DNM3: variants seen among roughly 807,000 people sequenced by gnomAD.
DNM3 encodes dynamin 3, also known as dynamin-3.
DNM3 carries 47 observed loss-of-function variants against 101.6 expected under a neutral mutation model. The ratio of observed to expected loss-of-function variants is 0.46; its 90% CI spans 0.37 to 0.59. The LOEUF (loss-of-function observed/expected upper bound fraction) is 0.59. Ranked by LOEUF, DNM3 falls within the 20% of genes least tolerant of loss-of-function variation. The pLI, the probability that DNM3 is intolerant of heterozygous loss-of-function variation, is 0.00. For synonymous variants in DNM3, 385 were observed against 387.9 expected (o/e 0.99, Z 0.09); for missense variants, 849 against 1,085.7 (o/e 0.78, Z 3.06).
intron 15 of DNM3, among the ~76,000 whole-genome samples, chr1:172,273,223 A>G (rs1383699090): frequency 1.3e-5 from 2 of 152,196 alleles, no homozygotes; most frequent in African/African-American, 4.8e-5. Context: ...TCAGAGCACT[A>G]ACTCTGACAT....
intron 2 of DNM3, among the ~76,000 whole-genome samples, chr1:171,954,844 A>G (rs1461475646): frequency 6.6e-6 from 1 of 152,206 alleles, no homozygotes; most frequent in African/African-American, 2.4e-5. Flanking sequence ...GTGTTATGCA[A>G]TTTTTCCTGA....
At chr1:172,241,802 A>C (rs1407247756) in intron 14 of DNM3, among the ~76,000 whole-genome samples, 1 of 151,892 alleles carries the variant, frequency 6.6e-6, no homozygotes, top group Non-Finnish European at 1.5e-5. Flanking sequence ...CTCTCATTTG[A>C]CTCATTTTTT....
intron 14 of DNM3, among the ~76,000 whole-genome samples, chr1:172,174,398 A>T (rs2059078993): frequency 6.6e-6 from 1 of 151,622 alleles, no homozygotes; most frequent in Non-Finnish European, 1.5e-5. Flanking sequence ...CTCTGTTTTG[A>T]AATAAATTTG....
At chr1:172,159,015 G>A (rs1302218598) in intron 14 of DNM3, among the ~76,000 whole-genome samples, 1 of 151,970 alleles carries the variant, frequency 6.6e-6, no homozygotes, top group Non-Finnish European at 1.5e-5. Flanking sequence ...TTGCTGCTAT[G>A]TATGTATGAT....
intron 14 of DNM3, among the ~76,000 whole-genome samples, chr1:172,225,738 A>G (rs2061092532): frequency 6.6e-6 from 1 of 152,044 alleles, no homozygotes; most frequent in Admixed American, 6.6e-5. Context: ...GGTGACAGAG[A>G]AAGACCCTGT....
At chr1:172,378,317 TTC>T (rs2068718320) in intron 17 of DNM3, 1 of 152,086 alleles carries the variant, frequency 6.6e-6, no homozygotes, top group Non-Finnish European at 1.5e-5. Flanking sequence ...ACAGATGCTT[TTC>T]TCATGTTGCA....
intron 1 of DNM3, among the ~76,000 whole-genome samples, chr1:171,865,693 A>G (rs542044646): frequency 1.3e-5 from 2 of 152,314 alleles, no homozygotes; most frequent in East Asian, 1.9e-4. Flanking sequence ...GATCACTTAG[A>G]CAGTTTTGTT....
chr1:172,150,578 T>C (rs1027874323), intron 14 of DNM3, among the ~76,000 whole-genome samples: 1 of 152,184 alleles, frequency 6.6e-6, no homozygotes, highest in African/African-American at 2.4e-5. Flanking sequence ...TGTGATATAA[T>C]TTAATCCAGC....
At chr1:172,043,913 A>G (rs1055420089) in intron 8 of DNM3, among the ~76,000 whole-genome samples, 1 of 152,124 alleles carries the variant, frequency 6.6e-6, no homozygotes, top group African/African-American at 2.4e-5. Context: ...TTTTTAAAAT[A>G]TTACTAATTT....
At chr1:172,255,798 A>G (rs1300198365) in intron 15 of DNM3, among the ~76,000 whole-genome samples, 1 of 152,120 alleles carries the variant, frequency 6.6e-6, no homozygotes, top group African/African-American at 2.4e-5. Context: ...TCCTTGTCTT[A>G]TTTCTCATTT....
chr1:172,362,477 G>T (rs1297061703), intron 17 of DNM3, among the ~76,000 whole-genome samples: 1 of 90,004 alleles, frequency 1.1e-5, no homozygotes, highest in African/African-American at 2.8e-5. Flanking sequence ...CTGGAATATG[G>T]CATGAAAGGT....
At chr1:171,933,829 C>T (rs74126544) in intron 2 of DNM3, among the ~76,000 whole-genome samples, 2,548 of 152,216 alleles carry the variant, frequency 0.017, 71 homozygotes, top group African/African-American at 0.058. Context: ...AATTCCTTTA[C>T]ACACAAGGAG....
intron 2 of DNM3, among the ~76,000 whole-genome samples, chr1:171,932,634 T>C (rs2041119217): frequency 6.6e-6 from 1 of 152,204 alleles, no homozygotes; most frequent in South Asian, 2.1e-4. Context: ...CAGTTATATT[T>C]TCAAACTCCT....
chr1:172,095,650 C>T (rs2054198154), intron 13 of DNM3, among the ~76,000 whole-genome samples: 1 of 152,126 alleles, frequency 6.6e-6, no homozygotes. Flanking sequence ...GGGGCTGAAA[C>T]ACTCTGCAGC....
intron 4 of DNM3, among the ~76,000 whole-genome samples, chr1:171,990,639 C>T (rs193155752): frequency 6.6e-6 from 1 of 152,268 alleles, no homozygotes; most frequent in African/African-American, 2.4e-5. Context: ...CTTCAGTACT[C>T]TGCTGAGGTT....
chr1:172,371,366 C>T (rs1409963484), intron 17 of DNM3, among the ~76,000 whole-genome samples: 2 of 151,904 alleles, frequency 1.3e-5, no homozygotes, highest in Non-Finnish European at 2.9e-5. Context: ...TTAGAAAACA[C>T]GCTTAAAGAA....
chr1:172,024,489 A>C (rs2048058350), intron 4 of DNM3, among the ~76,000 whole-genome samples: 1 of 152,252 alleles, frequency 6.6e-6, no homozygotes, highest in Non-Finnish European at 1.5e-5. Context: ...ATTCCTGAAT[A>C]AAGAGTAATA....
intron 10 of DNM3, among the ~76,000 whole-genome samples, chr1:172,056,501 C>A (rs576096848): frequency 1.3e-5 from 2 of 152,100 alleles, no homozygotes; most frequent in Non-Finnish European, 2.9e-5. Flanking sequence ...GATCTGAGAA[C>A]GGGCAGACTG....
chr1:172,010,292 A>T (rs999426462), intron 4 of DNM3, among the ~76,000 whole-genome samples: 1 of 151,936 alleles, frequency 6.6e-6, no homozygotes, highest in South Asian at 2.1e-4. Context: ...TTATTTGCAA[A>T]GGTTTTTTTA....
Sources: gnomAD v4.1 joint callset for allele counts (sites outside exome capture counted in the v4.1 genomes callset) on GRCh38, gnomAD v4.1.1 for gene constraint, MANE v1.5 for transcripts, NCBI Gene and HGNC (gene_info 2026-07-23, HGNC 2026-07-21) for gene names.